AP4S1: variants seen among roughly 807,000 people sequenced by gnomAD.
AP4S1 encodes the protein AP-4 complex subunit sigma-1.
AP4S1 carries 23 observed loss-of-function variants against 19.8 expected under a neutral mutation model. The ratio of observed to expected loss-of-function variants is 1.16; its 90% confidence interval spans 0.84 to 1.65. The LOEUF (loss-of-function observed/expected upper bound fraction) is 1.65. AP4S1 is among the 40% of genes most tolerant of loss of function. AP4S1 has a pLI of 0.00. For synonymous variants in AP4S1, 46 were observed against 54.1 expected, an observed-to-expected ratio of 0.85 and a Z score of 0.66; for missense variants, 166 against 172.8, an observed-to-expected ratio of 0.96 and a Z score of 0.22.
At chr14:31,053,954 C>A (rs1378325112) in intron 1 of AP4S1, among the ~76,000 whole-genome samples, 1 of 152,106 alleles carries the variant, frequency 6.6e-6, no homozygotes, top group Non-Finnish European at 1.5e-5. Context: ...TTGGATATAT[C>A]TTTGGGAAAA....
chr14:31,084,214 G>A (rs118153147), intron 5 of AP4S1, among the ~76,000 whole-genome samples: 5 of 152,228 alleles, frequency 3.3e-5, no homozygotes, highest in Non-Finnish European at 1.5e-5. Context: ...ACAGACGTGA[G>A]TTAAAGCTTG....
At position 31,093,465 on chromosome 14, in the gene AP4S1, A is replaced by ATT. The variant is rs34042875; in HGVS notation, c.*442_*443dup. On this transcript the variant is annotated 3_prime_UTR_variant, in exon 6 of 6. Coordinates refer to ENST00000542754, the MANE Select transcript of AP4S1 (RefSeq NM_001128126.3). ...TGAGTAACGCTGTTTTCTGAAAGCT[A>ATT]TTTTTTTTTTTTTGAGACGGAGTCT... 2,833 of 148,898 alleles carry ATT rather than the reference A, an allele frequency of 0.019. 26 individuals carry two copies. Among genetic ancestry groups the ATT allele is most frequent in the African/African-American group, 0.024 (964 of 40,110 alleles). 9.2% of individuals were successfully genotyped at this position (148,898 alleles called of 1,614,324 possible). A position where few individuals can be genotyped will look rare whatever the true frequency, so the allele number is the denominator to read the frequency against.
At chr14:31,084,393 T>C (rs953801589) in intron 5 of AP4S1, among the ~76,000 whole-genome samples, 7 of 152,236 alleles carry the variant, frequency 4.6e-5, no homozygotes, top group Non-Finnish European at 8.8e-5. Context: ...CTCCCTAGTA[T>C]GGACTTGTTT....
intron 1 of AP4S1, among the ~76,000 whole-genome samples, chr14:31,046,563 C>T (rs942116586): frequency 4.6e-5 from 7 of 151,928 alleles, no homozygotes; most frequent in African/African-American, 1.7e-4. Context: ...AGTAGAATTG[C>T]GGCCGGGCAC....
chr14:31,078,722 A>C (rs117663387), intron 4 of AP4S1, among the ~76,000 whole-genome samples: 1 of 152,204 alleles, frequency 6.6e-6, no homozygotes, highest in Non-Finnish European at 1.5e-5. Flanking sequence ...AGGGAGAGTC[A>C]GTGACCACAT....
chr14:31,093,213 T>A lies in AP4S1; in HGVS notation c.*178T>A. On this transcript the variant is annotated 3_prime_UTR_variant, in exon 6 of 6. Transcript: ENST00000542754. ...CTAAAAAGAAAACACAACTGTACTT[T>A]AAAATATGTACAAAGAAAAAAATTT... is the stretch of plus-strand genomic sequence containing the variant. 1 of 542,948 alleles carries A rather than the reference T, an allele frequency of 1.8e-6. No individual in the cohort carries two copies. Among genetic ancestry groups the A allele is most frequent in the Non-Finnish European group, 2.9e-6 (1 of 339,750 alleles). 33.6% of individuals were successfully genotyped at this position (542,948 alleles called of 1,614,324 possible). A position where few individuals can be genotyped will look rare whatever the true frequency, so the allele number is the denominator to read the frequency against.
Position 31,073,347 on chromosome 14 carries a change from G to A in AP4S1, c.294+374G>A, listed in dbSNP as rs1470604279. On this transcript the variant is annotated intron_variant, in intron 4 of 5. Transcript: ENST00000542754. The stretch of plus-strand genomic sequence containing the variant: ...CTACTAAAAATACAAAAAATTAGCT[G>A]GGCGTGGTGGTGGGCGCCTGTAGTC... Among the ~76,000 whole-genome samples the A allele has an allele frequency of 5.8e-5, 8 of 136,764 alleles. 1 individual carries two copies. Among genetic ancestry groups the A allele is most frequent in the Admixed American group, 3.1e-4 (4 of 12,858 alleles). The allele number at this position is 136,764 out of a possible 152,430, so 89.7% of individuals were successfully genotyped here. A position where few individuals can be genotyped will look rare whatever the true frequency, so the allele number is the denominator to read the frequency against.
At chr14:31,056,417 G>T (rs1211950000) in intron 1 of AP4S1, among the ~76,000 whole-genome samples, 1 of 151,518 alleles carries the variant, frequency 6.6e-6, no homozygotes, top group Non-Finnish European at 1.5e-5. Flanking sequence ...GGAGTGCAGT[G>T]GCGCGATCTC....
chr14:31,054,211 T>C (rs1885971582), intron 1 of AP4S1, among the ~76,000 whole-genome samples: 1 of 152,228 alleles, frequency 6.6e-6, no homozygotes, highest in South Asian at 2.1e-4. Flanking sequence ...TTTCAAACTT[T>C]GACTCAGTCT....
intron 5 of AP4S1, among the ~76,000 whole-genome samples, chr14:31,084,578 G>A (rs1418450620): frequency 5.3e-5 from 8 of 152,302 alleles, no homozygotes; most frequent in South Asian, 4.2e-4. Flanking sequence ...GACCAAGCAC[G>A]TCAGTGACCT....
At chr14:31,047,341 G>T (rs1885467675) in intron 1 of AP4S1, among the ~76,000 whole-genome samples, 1 of 151,738 alleles carries the variant, frequency 6.6e-6, no homozygotes, top group African/African-American at 2.4e-5. Context: ...GTGTGGGCAG[G>T]GGGAAGTTGT....
chr14:31,053,589 C>CTTTTTTTTTTTTTTTT (rs758966011), intron 1 of AP4S1, among the ~76,000 whole-genome samples: 2 of 71,174 alleles, frequency 2.8e-5, no homozygotes, highest in Non-Finnish European at 2.4e-5. Flanking sequence ...TGACTTTTTT[C>CTTTTTTTTTTTTTTTT]TTTTTTTTTT....
intron 4 of AP4S1, among the ~76,000 whole-genome samples, chr14:31,077,088 C>G (rs1887400113): frequency 6.6e-6 from 1 of 152,056 alleles, no homozygotes. Flanking sequence ...CGCCACCACG[C>G]CTGGCTAATT....
At chr14:31,072,994 A>C in intron 4 of AP4S1, 21 bp downstream of exon 4, 2 of 1,604,932 alleles carry the variant, frequency 1.2e-6, no homozygotes, top group South Asian at 2.2e-5. Flanking sequence ...TGGCTAAAAA[A>C]TGGTTTACTT....
intron 5 of AP4S1, chr14:31,085,356 G>C: frequency 6.1e-6 from 6 of 991,714 alleles, no homozygotes; most frequent in Non-Finnish European, 7.2e-6. Flanking sequence ...TCCCACCTAC[G>C]TGCCTGGGGA....
At chr14:31,052,364 T>G (rs1885844699) in intron 1 of AP4S1, among the ~76,000 whole-genome samples, 1 of 152,254 alleles carries the variant, frequency 6.6e-6, no homozygotes, top group South Asian at 2.1e-4. Flanking sequence ...TTATAAACAT[T>G]TTTATGCATA....
chr14:31,077,032 C>T (rs1208054400), intron 4 of AP4S1, among the ~76,000 whole-genome samples: 3 of 152,116 alleles, frequency 2.0e-5, no homozygotes, highest in African/African-American at 7.2e-5. Context: ...CGGGTTCAAG[C>T]GATTCTCATG....
chr14:31,071,405 A>G (rs565257309), intron 3 of AP4S1, among the ~76,000 whole-genome samples: 1 of 152,226 alleles, frequency 6.6e-6, no homozygotes, highest in Admixed American at 6.5e-5. Context: ...TAGATTCATC[A>G]TGGACTTCAA....
At chr14:31,031,320 A>G (rs1037680925) in intron 1 of AP4S1, among the ~76,000 whole-genome samples, 1 of 152,180 alleles carries the variant, frequency 6.6e-6, no homozygotes, top group African/African-American at 2.4e-5. Context: ...CTTAGACCAT[A>G]AAGTCATTTA....
Sources: allele counts gnomAD v4.1 joint callset (sites outside exome capture counted in the v4.1 genomes callset), GRCh38; gene constraint gnomAD v4.1.1; transcripts MANE v1.5; gene names NCBI Gene and HGNC (gene_info 2026-07-23, HGNC 2026-07-21).